TASP1: variants seen among roughly 807,000 people sequenced by gnomAD.
TASP1 encodes the protein taspase 1.
In TASP1, 16 loss-of-function variants were observed where a neutral mutation model predicts 56.6. The observed-to-expected ratio is 0.28, with a 90% CI of 0.19 to 0.43. TASP1 has a LOEUF of 0.43. Ranked by LOEUF, TASP1 falls within the 20% of genes least tolerant of loss-of-function variation. The probability of loss-of-function intolerance (pLI) is 1.00; values close to 1 mark genes in which losing one functional copy is unlikely to be tolerated. For missense variants in TASP1, 393 were observed against 511.6 expected, an observed-to-expected ratio of 0.77 and a Z score of 2.24; for synonymous variants, 179 against 184.2, an observed-to-expected ratio of 0.97 and a Z score of 0.23.
chr20:13,580,592 G>T (rs2047084290), intron 6 of TASP1, among the ~76,000 whole-genome samples: 1 of 152,176 alleles, frequency 6.6e-6, no homozygotes, highest in Non-Finnish European at 1.5e-5. Flanking sequence ...TATGTTCCAT[G>T]TACTTTTATT....
the TASP1 span, chr20:13,221,816 C>T: frequency 2.7e-6 from 4 of 1,457,904 alleles, no homozygotes; most frequent in Non-Finnish European, 1.8e-6. Context: ...GCTGCTGGGG[C>T]TGCTGCTGCT....
chr20:13,465,967 G>A (rs1182378197), intron 11 of TASP1, among the ~76,000 whole-genome samples: 1 of 152,000 alleles, frequency 6.6e-6, no homozygotes, highest in Non-Finnish European at 1.5e-5. Flanking sequence ...AAACTGCATA[G>A]AACTAAATAC....
chr20:13,485,056 C>G (rs1488992417), intron 10 of TASP1, among the ~76,000 whole-genome samples: 4 of 152,082 alleles, frequency 2.6e-5, no homozygotes, highest in Non-Finnish European at 5.9e-5. Flanking sequence ...GTGGAGCAAA[C>G]CACCATGGCA....
chr20:13,167,589 G>A, the TASP1 span: 2 of 152,206 alleles, frequency 1.3e-5, no homozygotes, highest in Non-Finnish European at 1.5e-5. Flanking sequence ...GGTTCCAGAT[G>A]ATATTTGTAA....
intron 7 of TASP1, among the ~76,000 whole-genome samples, chr20:13,563,793 C>A (rs1204818436): frequency 6.6e-6 from 1 of 151,874 alleles, no homozygotes; most frequent in African/African-American, 2.4e-5. Flanking sequence ...GCAAGAGCCA[C>A]TCCACCCAGC....
intron 11 of TASP1, among the ~76,000 whole-genome samples, chr20:13,458,526 G>T (rs901610970): frequency 4.6e-5 from 7 of 151,804 alleles, no homozygotes; most frequent in African/African-American, 1.7e-4. Context: ...TTTTAGTAGA[G>T]ATGGGGTTTT....
At chr20:13,320,666 GT>G in the TASP1 span, among the ~76,000 whole-genome samples, 1 of 152,222 alleles carries the variant, frequency 6.6e-6, no homozygotes, top group South Asian at 2.1e-4. Flanking sequence ...ATAGTCCCAG[GT>G]AAGTACAAGT....
intron 8 of TASP1, among the ~76,000 whole-genome samples, chr20:13,543,587 C>T (rs868829501): frequency 6.6e-6 from 1 of 152,046 alleles, no homozygotes; most frequent in Non-Finnish European, 1.5e-5. Context: ...GGTGACCCAG[C>T]GAGACTCCAT....
At chr20:13,368,427 T>C in the TASP1 span, 8 of 152,322 alleles carry the variant, frequency 5.3e-5, no homozygotes, top group East Asian at 1.5e-3. Flanking sequence ...CTTTCTTCCT[T>C]CCAGAATTGT....
At chr20:13,389,203 A>G (rs1359038075), downstream of TASP1, among the ~76,000 whole-genome samples, 1 of 152,228 alleles carries the variant, frequency 6.6e-6, no homozygotes, top group Non-Finnish European at 1.5e-5. Flanking sequence ...TTTTTATCAA[A>G]TTGCAAGAGA....
chr20:13,611,535 G>A (rs544226576), intron 4 of TASP1, among the ~76,000 whole-genome samples: 59 of 152,066 alleles, frequency 3.9e-4, no homozygotes, highest in Non-Finnish European at 7.4e-4. Flanking sequence ...TTAAATCAAA[G>A]CTCATTCCGG....
At chr20:13,564,343 C>G (rs1003390562) in intron 7 of TASP1, among the ~76,000 whole-genome samples, 1 of 151,938 alleles carries the variant, frequency 6.6e-6, no homozygotes, top group Non-Finnish European at 1.5e-5. Context: ...ACAATAGCAT[C>G]GAAAAGTATA....
the TASP1 span, among the ~76,000 whole-genome samples, chr20:13,187,096 G>T: frequency 7.9e-5 from 12 of 152,298 alleles, no homozygotes; most frequent in Non-Finnish European, 1.5e-4. Context: ...GAATGCCTTT[G>T]ATGGGGCTCA....
the TASP1 span, among the ~76,000 whole-genome samples, chr20:13,124,780 A>C: frequency 6.6e-6 from 1 of 152,166 alleles, no homozygotes; most frequent in Non-Finnish European, 1.5e-5. Context: ...ACACATACCT[A>C]AGAGAGATGG....
At chr20:13,581,092 C>A (rs1225396160) in intron 5 of TASP1, 111 bp from the exon 6 acceptor site, 2 of 920,446 alleles carry the variant, frequency 2.2e-6, no homozygotes, top group Non-Finnish European at 3.2e-6. Context: ...CTTGGAAATT[C>A]TTTTTCGATA....
intron 10 of TASP1, among the ~76,000 whole-genome samples, chr20:13,521,201 T>C (rs2044737792): frequency 6.6e-6 from 1 of 152,194 alleles, no homozygotes; most frequent in African/African-American, 2.4e-5. Flanking sequence ...TCAACCATTG[T>C]GGAAGTCAGT....
intron 12 of TASP1, among the ~76,000 whole-genome samples, chr20:13,423,350 A>G (rs754495615): frequency 6.6e-6 from 1 of 152,212 alleles, no homozygotes; most frequent in Non-Finnish European, 1.5e-5. Flanking sequence ...AAAATTTCAC[A>G]AAGTAATAAT....
At chr20:13,242,971 A>T in the TASP1 span, among the ~76,000 whole-genome samples, 1 of 152,228 alleles carries the variant, frequency 6.6e-6, no homozygotes, top group Non-Finnish European at 1.5e-5. Context: ...ACCTTGAGGT[A>T]GGCATTATTG....
chr20:13,310,878 C>T, the TASP1 span, among the ~76,000 whole-genome samples: 1 of 152,138 alleles, frequency 6.6e-6, no homozygotes, highest in Non-Finnish European at 1.5e-5. Context: ...TACTTCATAC[C>T]TGTAAGGAAG....
Sources: gnomAD v4.1 joint callset for allele counts (sites outside exome capture counted in the v4.1 genomes callset) on GRCh38, gnomAD v4.1.1 for gene constraint, MANE v1.5 for transcripts, NCBI Gene and HGNC (gene_info 2026-07-23, HGNC 2026-07-21) for gene names.